The following THSD7A variants were observed in gnomAD, a reference collection of about 807,000 sequenced individuals.
THSD7A encodes thrombospondin type 1 domain containing 7A.
In THSD7A, 96 loss-of-function variants were observed where a neutral mutation model predicts 231.3. The observed-to-expected ratio is 0.41, with a 90% CI of 0.35 to 0.49. The LOEUF is 0.49. Ranked by LOEUF, THSD7A falls within the 20% of genes least tolerant of loss-of-function variation. THSD7A has a pLI of 0.05. For synonymous variants in THSD7A, 940 were observed against 743.3 expected, an observed-to-expected ratio of 1.26 and a Z score of -4.30; for missense variants, 2,290 against 2,070.2, an observed-to-expected ratio of 1.11 and a Z score of -2.06.
chr7:11,629,855 A>G (rs1350399743), intron 2 of THSD7A, among the ~76,000 whole-genome samples: 1 of 152,206 alleles, frequency 6.6e-6, no homozygotes, highest in Non-Finnish European at 1.5e-5. Context: ...TTTGGGGTTC[A>G]TTAGAATCAC....
At chr7:11,717,245 C>G (rs1781171798) in intron 1 of THSD7A, among the ~76,000 whole-genome samples, 2 of 151,700 alleles carry the variant, frequency 1.3e-5, no homozygotes, top group Non-Finnish European at 3.0e-5. Flanking sequence ...GAAAGACGGC[C>G]TCCTCGCAGA....
chr7:11,498,896 G>C (rs998505885), intron 6 of THSD7A, among the ~76,000 whole-genome samples: 2 of 152,116 alleles, frequency 1.3e-5, no homozygotes, highest in African/African-American at 2.4e-5. Flanking sequence ...CTATGGAAAA[G>C]TGGCCAGACT....
At chr7:11,514,270 T>C (rs911794962) in intron 6 of THSD7A, among the ~76,000 whole-genome samples, 1 of 152,230 alleles carries the variant, frequency 6.6e-6, no homozygotes, top group South Asian at 2.1e-4. Flanking sequence ...TTATTGCCTA[T>C]TTCTCTTCTA....
intron 11 of THSD7A, among the ~76,000 whole-genome samples, chr7:11,448,465 T>C (rs1477539237): frequency 6.6e-6 from 1 of 152,136 alleles, no homozygotes; most frequent in Admixed American, 6.6e-5. Flanking sequence ...CAGATTGATT[T>C]ACTTGGCTTT....
At chr7:11,616,467 A>C (rs1377954738) in intron 2 of THSD7A, among the ~76,000 whole-genome samples, 2 of 152,176 alleles carry the variant, frequency 1.3e-5, no homozygotes, top group Non-Finnish European at 2.9e-5. Flanking sequence ...TTTTGATCCA[A>C]AACTATTTAG....
intron 1 of THSD7A, among the ~76,000 whole-genome samples, chr7:11,767,188 G>A (rs1445278846): frequency 6.6e-6 from 1 of 152,034 alleles, no homozygotes; most frequent in Non-Finnish European, 1.5e-5. Flanking sequence ...ATTGTTTTTT[G>A]GGGTTTCAGA....
At chr7:11,729,304 C>G (rs1781648435) in intron 1 of THSD7A, among the ~76,000 whole-genome samples, 1 of 151,716 alleles carries the variant, frequency 6.6e-6, no homozygotes, top group Admixed American at 6.6e-5. Flanking sequence ...TCGTGTATGA[C>G]ACTTAACAAA....
chr7:11,681,327 G>A (rs1469648771), intron 1 of THSD7A, among the ~76,000 whole-genome samples: 1 of 151,988 alleles, frequency 6.6e-6, no homozygotes, highest in Non-Finnish European at 1.5e-5. Context: ...CATGGGCAAT[G>A]TATACCTACG....
At chr7:11,585,837 G>C (rs1470371474) in intron 4 of THSD7A, among the ~76,000 whole-genome samples, 5 of 152,060 alleles carry the variant, frequency 3.3e-5, no homozygotes, top group Admixed American at 3.3e-4. Flanking sequence ...GAACATCTCT[G>C]AGGCATGTGA....
At position 11,503,494 on chromosome 7, in the gene THSD7A, A is replaced by T. The variant is rs183229365; in HGVS notation, c.1823-21512T>A. On this transcript the variant is annotated intron_variant, in intron 6 of 27. Transcript: ENST00000423059. ...AAACTTAAGAGCTTCTGCAAAGAAAAATAAACTATCAGCAGAGTAAACAAA... is the reference window on the plus strand; with the variant it reads ...AAACTTAAGAGCTTCTGCAAAGAAATATAAACTATCAGCAGAGTAAACAAA... Among the ~76,000 whole-genome samples the T allele has an allele frequency of 2.4e-3, 363 of 152,338 alleles. 7 individuals are homozygous for T. The highest frequency in any genetic ancestry group is 1.3e-3 in the Non-Finnish European group (90 of 68,026).
At chr7:11,631,350 GGGAGT>G (rs1781648168) in intron 2 of THSD7A, among the ~76,000 whole-genome samples, 1 of 152,092 alleles carries the variant, frequency 6.6e-6, no homozygotes, top group Non-Finnish European at 1.5e-5. Context: ...TTCAAGGCAG[GGGAGT>G]GGAGTAAAAT....
chr7:11,638,655 A>G (rs985183728), intron 1 of THSD7A, among the ~76,000 whole-genome samples: 3 of 152,176 alleles, frequency 2.0e-5, no homozygotes, highest in African/African-American at 7.2e-5. Flanking sequence ...GTACAAAATT[A>G]TAAGGGATGT....
chr7:11,500,710 C>T (rs533051318), intron 6 of THSD7A, among the ~76,000 whole-genome samples: 7 of 151,832 alleles, frequency 4.6e-5, no homozygotes, highest in Admixed American at 2.0e-4. Flanking sequence ...GGGGCCAAGG[C>T]GGGTGGATCA....
At chr7:11,388,539 C>A (rs1372034978) in intron 23 of THSD7A, among the ~76,000 whole-genome samples, 1 of 152,030 alleles carries the variant, frequency 6.6e-6, no homozygotes, top group Non-Finnish European at 1.5e-5. Context: ...TGGTGACATC[C>A]CCTTTATCAT....
chr7:11,739,669 T>G (rs1316227604), intron 1 of THSD7A, among the ~76,000 whole-genome samples: 1 of 151,828 alleles, frequency 6.6e-6, no homozygotes, highest in Admixed American at 6.6e-5. Context: ...CCTCTCACCC[T>G]GGCCCCCAAA....
At chr7:11,603,324 T>C (rs1234326138) in intron 2 of THSD7A, among the ~76,000 whole-genome samples, 3 of 151,450 alleles carry the variant, frequency 2.0e-5, no homozygotes, top group Non-Finnish European at 3.0e-5. Context: ...AAAACCACAA[T>C]GAGATACCAT....
At chr7:11,397,566 C>T (rs1327826184) in intron 23 of THSD7A, among the ~76,000 whole-genome samples, 1 of 151,926 alleles carries the variant, frequency 6.6e-6, no homozygotes, top group Non-Finnish European at 1.5e-5. Flanking sequence ...CAAACGGGAT[C>T]TAATTAAAGA....
chr7:11,462,909 C>A (rs1036440640), intron 9 of THSD7A, among the ~76,000 whole-genome samples: 4 of 152,112 alleles, frequency 2.6e-5, no homozygotes, highest in Non-Finnish European at 4.4e-5. Flanking sequence ...GTATACAGAT[C>A]ATGTAGCGTA....
At chr7:11,690,911 T>A (rs1018384951) in intron 1 of THSD7A, among the ~76,000 whole-genome samples, 1 of 151,706 alleles carries the variant, frequency 6.6e-6, no homozygotes, top group Admixed American at 6.6e-5. Context: ...ACATAGGTGT[T>A]AATGGTAAAT....
Sources: allele counts gnomAD v4.1 joint callset (sites outside exome capture counted in the v4.1 genomes callset), GRCh38; gene constraint gnomAD v4.1.1; transcripts MANE v1.5; gene names NCBI Gene and HGNC (gene_info 2026-07-23, HGNC 2026-07-21).